The following ZNF787 variants were observed in gnomAD, a reference collection of about 807,000 sequenced individuals.
The protein encoded by ZNF787 is TTF-I-interacting peptide 20.
A neutral mutation model predicts 16.9 loss-of-function variants in ZNF787; 7 were observed. The ratio of observed to expected loss-of-function variants is 0.42; its 90% CI spans 0.24 to 0.78. The LOEUF (loss-of-function observed/expected upper bound fraction) is 0.78, where lower values mean the gene tolerates loss of function less well. ZNF787 is among the 30% of genes least tolerant of loss of function. The pLI, the probability that ZNF787 is intolerant of heterozygous loss-of-function variation, is 0.30. For synonymous variants in ZNF787, 345 were observed against 270.9 expected, an observed-to-expected ratio of 1.27 and a Z score of -2.69; for missense variants, 551 against 589.3, an observed-to-expected ratio of 0.94 and a Z score of 0.67.
intron 1 of ZNF787, among the ~76,000 whole-genome samples, chr19:56,120,594 G>A (rs890509449): frequency 1.3e-5 from 2 of 150,632 alleles, no homozygotes; most frequent in African/African-American, 4.9e-5. Flanking sequence ...AGCCCGCCCG[G>A]GGCAGCAACG....
intron 1 of ZNF787, among the ~76,000 whole-genome samples, chr19:56,116,611 A>T (rs964969033): frequency 7.3e-5 from 11 of 151,150 alleles, no homozygotes; most frequent in African/African-American, 2.7e-4. Context: ...CCTTTATATT[A>T]AAAAAAAAGA....
intron 2 of ZNF787, among the ~76,000 whole-genome samples, chr19:56,099,476 C>T (rs950836816): frequency 1.3e-5 from 2 of 152,054 alleles, no homozygotes; most frequent in African/African-American, 2.4e-5. Context: ...ACTGGGAGGC[C>T]GAGGCGGGCA....
At chr19:56,108,774 G>A (rs1304428887) in intron 1 of ZNF787, among the ~76,000 whole-genome samples, 2 of 152,100 alleles carry the variant, frequency 1.3e-5, no homozygotes, top group African/African-American at 4.8e-5. Flanking sequence ...TGAGACCCAC[G>A]CGGAAGGACA....
Position 56,088,160 on chromosome 19 carries a change from T to G in ZNF787, c.1012A>C (p.Ile338Leu). The G allele has an allele frequency of 6.4e-7, 1 of 1,553,934 alleles. No individual in the cohort carries two copies. Among genetic ancestry groups the G allele is most frequent in the Non-Finnish European group, 8.7e-7 (1 of 1,155,170 alleles). ...ACCGAGGGCGCGCCCACCGCGTGGA[T>G]CTTCTTGTGTCTCCGGAGCGCGGCG... ...QGAALRRHKK[I>L]HAVGAPSVCS... The change falls in exon 3 of 3, where the codon ATC (isoleucine) becomes CTC (leucine). Residue 338 changes from isoleucine (I) to leucine (L), a missense_variant. By Grantham distance (5) the Ile-to-Leu change is conservative. Coordinates refer to ENST00000610935, the MANE Select transcript of ZNF787 (RefSeq NM_001002836.4). This position sits in a 1 kb window ranked among gnomAD's most constrained non-coding sequence, Gnocchi z 8.6.
chr19:56,087,909 T>C lies in ZNF787; in HGVS notation c.*114A>G, dbSNP rs979493581. The C allele has an allele frequency of 9.7e-5, 124 of 1,273,652 alleles. No homozygotes were observed. The highest frequency in any genetic ancestry group is 1.2e-4 in the Non-Finnish European group (119 of 1,010,100). 78.9% of individuals were successfully genotyped at this position (1,273,652 alleles called of 1,614,324 possible). On this transcript the variant is annotated 3_prime_UTR_variant, in exon 3 of 3. Transcript: ENST00000610935. Reference sequence around the variant, plus strand: ...ACAGAGGAGGGCGGGGAGCCGGGGATGCCGCGGGGTCCATCGCACCCCGTC... The same window carrying C: ...ACAGAGGAGGGCGGGGAGCCGGGGACGCCGCGGGGTCCATCGCACCCCGTC...
rs1243382134 is a variant in ZNF787 at position 56,088,367 on chromosome 19, G to A, written c.805C>T (p.Pro269Ser). ...GGGGCCGGGGCGCGCCGCGACCGGG[G>A]CCCCGCGGCCTTTGCCCCCGCGCCC... ...MAGAGAKAAG[P>S]RSRRAPAPKP... is the part of the protein sequence containing the mutation. Residue 269 changes from proline to serine, a missense_variant, in exon 3 of 3, where the codon CCC becomes TCC. Transcript: ENST00000610935. This position sits in a 1 kb window ranked among gnomAD's most constrained non-coding sequence, Gnocchi z 8.6. 6.2e-6 allele frequency: 7 copies of A among 1,122,156 alleles called. No homozygotes were observed. In the African/African-American group the frequency reaches 8.4e-5, roughly 13 times the overall value. 69.5% of individuals were successfully genotyped at this position (1,122,156 alleles called of 1,614,324 possible).
intron 2 of ZNF787, among the ~76,000 whole-genome samples, chr19:56,099,881 C>T (rs1045535236): frequency 6.6e-6 from 1 of 151,988 alleles, no homozygotes. Flanking sequence ...GGACAGGCGG[C>T]GGATTCTCGC....
In ZNF787 at chr19:56,087,935, C is replaced by G. The variant is rs918910365; in HGVS notation, c.*88G>C. ...GCCGCGGGGTCCATCGCACCCCGTC[C>G]GCTTCTCCCTGGGTCTCTTGGTCTT... is the stretch of plus-strand genomic sequence containing the variant. On this transcript the variant is annotated 3_prime_UTR_variant, in exon 3 of 3. Coordinates refer to ENST00000610935, the MANE Select transcript of ZNF787 (RefSeq NM_001002836.4). 3 of 1,288,634 alleles carry G rather than the reference C, an allele frequency of 2.3e-6. No individual in the cohort carries two copies. The highest frequency in any genetic ancestry group is 2.9e-6 in the Non-Finnish European group (3 of 1,018,754). 79.8% of individuals were successfully genotyped at this position (1,288,634 alleles called of 1,614,324 possible). A position where few individuals can be genotyped will look rare whatever the true frequency, so the allele number is the denominator to read the frequency against.
At chr19:56,092,038 A>C (rs1191884875) in intron 2 of ZNF787, among the ~76,000 whole-genome samples, 4 of 149,728 alleles carry the variant, frequency 2.7e-5, no homozygotes, top group African/African-American at 1.0e-4. Context: ...GCCGAAGCCG[A>C]AGCCGAAGCC....
chr19:56,089,717 A>G (rs1985499803), intron 2 of ZNF787, among the ~76,000 whole-genome samples: 1 of 152,206 alleles, frequency 6.6e-6, no homozygotes, highest in Admixed American at 6.5e-5. Context: ...CACCTCCATT[A>G]CAGAGGCTAT....
At chr19:56,096,921 C>T (rs1049708280) in intron 2 of ZNF787, among the ~76,000 whole-genome samples, 1 of 152,040 alleles carries the variant, frequency 6.6e-6, no homozygotes, top group Non-Finnish European at 1.5e-5. Flanking sequence ...CCTGAGCTGT[C>T]GCTGCCCGGT....
chr19:56,112,878 T>TCCCCCCC (rs1568535075), intron 1 of ZNF787, among the ~76,000 whole-genome samples: 6 of 126,340 alleles, frequency 4.7e-5, no homozygotes, highest in Admixed American at 8.0e-5. Flanking sequence ...GACCAGCCGT[T>TCCCCCCC]CCCCCCACCC....
Position 56,088,985 on chromosome 19 carries a change from G to C in ZNF787, c.187C>G (p.Pro63Ala). The C allele has an allele frequency of 6.6e-7, 1 of 1,505,412 alleles. No individual in the cohort carries two copies. The highest frequency in any genetic ancestry group is 1.4e-5 in the African/African-American group (1 of 70,284). The allele number at this position is 1,505,412 out of a possible 1,614,324, so 93.3% of individuals were successfully genotyped here. A position where few individuals can be genotyped will look rare whatever the true frequency, so the allele number is the denominator to read the frequency against. Residue 63 changes from proline to alanine, a missense_variant, in exon 3 of 3, where the codon CCC (proline) becomes GCC (alanine). This residue lies in a region of ZNF787 where 80 missense variants were observed against 105.9 expected (regional missense o/e 0.76). Coordinates refer to ENST00000610935, the MANE Select transcript of ZNF787 (RefSeq NM_001002836.4). This position sits in a 1 kb window ranked among gnomAD's most constrained non-coding sequence, Gnocchi z 8.6. ...PAGPPPRPRP[P>A]APYICNECGK... ...CACTCGTTGCAGATGTAGGGGGCGG[G>C]CGGCCGCGGCCGGGGAGGCGGGCCG... is the stretch of plus-strand genomic sequence containing the variant.
Position 56,087,690 on chromosome 19 carries a change from GAGGAAGAGC to G in ZNF787, c.*324_*332del, listed in dbSNP as rs1255682850. The G allele has an allele frequency of 5.6e-6, 1 of 177,940 alleles. No homozygotes were observed. The highest frequency in any genetic ancestry group is 1.1e-5 in the Non-Finnish European group (1 of 87,066). 11.0% of individuals were successfully genotyped at this position (177,940 alleles called of 1,614,324 possible). ...CCCCCCACCCCCGCCCCGGACAACT[GAGGAAGAGC>G]AGGGAAAATGGCCTTCCGCTTGGGG... is the stretch of plus-strand genomic sequence containing the variant. On this transcript the variant is annotated 3_prime_UTR_variant, in exon 3 of 3. Coordinates refer to ENST00000610935, the MANE Select transcript of ZNF787 (RefSeq NM_001002836.4).
chr19:56,099,335 G>C lies in ZNF787; in HGVS notation c.79+3804C>G, dbSNP rs1039390816. ...GGGAGTGATCTCCAGGAAGCTGAAG[G>C]ACAGGCACGCAGGGGAGGGGACATG... On this transcript the variant is annotated intron_variant, in intron 2 of 2. Coordinates refer to ENST00000610935, the MANE Select transcript of ZNF787 (RefSeq NM_001002836.4). Among the ~76,000 whole-genome samples, 3 of 152,222 alleles carry C rather than the reference G, an allele frequency of 2.0e-5. No homozygotes were observed. In the South Asian group the frequency reaches 6.2e-4, roughly 31 times the overall value.
intron 2 of ZNF787, among the ~76,000 whole-genome samples, chr19:56,090,987 A>T (rs1481432484): frequency 6.6e-6 from 1 of 152,194 alleles, no homozygotes; most frequent in Non-Finnish European, 1.5e-5. Flanking sequence ...TGGCTCTTGA[A>T]CCTGCGGCAG....
chr19:56,117,592 G>A (rs1390513606), intron 1 of ZNF787, among the ~76,000 whole-genome samples: 3 of 152,258 alleles, frequency 2.0e-5, no homozygotes, highest in African/African-American at 7.2e-5. Context: ...AGCTGCCAAA[G>A]ACAGCTTGCT....
intron 1 of ZNF787, among the ~76,000 whole-genome samples, chr19:56,106,314 G>A (rs1986311667): frequency 6.6e-6 from 1 of 152,250 alleles, no homozygotes; most frequent in African/African-American, 2.4e-5. Flanking sequence ...GGCGGCCACA[G>A]TGGTCCATGC....
chr19:56,109,850 C>T (rs1054792483), intron 1 of ZNF787, among the ~76,000 whole-genome samples: 2 of 152,202 alleles, frequency 1.3e-5, no homozygotes. Flanking sequence ...CGCCACTGCA[C>T]TCCAGCCTGG....
Sources: gnomAD v4.1 joint callset for allele counts (sites outside exome capture counted in the v4.1 genomes callset) on GRCh38, gnomAD v4.1.1 for gene constraint, gnomAD v4.1.1 regional missense constraint, Gnocchi (gnomAD v3.1) non-coding constraint, MANE v1.5 for transcripts, NCBI Gene and HGNC (gene_info 2026-07-23, HGNC 2026-07-21) for gene names.